ARL17B: variants seen among roughly 807,000 people sequenced by gnomAD.
ARL17B encodes ARF like GTPase 17B, also known as ADP-ribosylation factor-like protein 17.
intron 3 of ARL17B, among the ~76,000 whole-genome samples, chr17:46,319,212 A>ATTTTTTTTTTTTTTTTTT (rs1225879085): frequency 1.2e-3 from 2 of 1,640 alleles, no homozygotes; most frequent in South Asian, 0.028. Flanking sequence ...ATTGTGGTCA[A>ATTTTTTTTTTTTTTTTTT]TTTTTTTTTT....
chr17:46,327,097 CAA>C lies in ARL17B; in HGVS notation c.259+25721_259+25722del, dbSNP rs1174491733. Among the ~76,000 whole-genome samples, 3 of 86,502 alleles carry C rather than the reference CAA, an allele frequency of 3.5e-5. 1 individual carries two copies. The highest frequency in any genetic ancestry group is 9.2e-5 in the African/African-American group (3 of 32,706). The allele number at this position is 86,502 out of a possible 152,430, so 56.7% of individuals were successfully genotyped here. On this transcript the variant is annotated intron_variant, in intron 3 of 4. Coordinates refer to the ARL17B transcript ENST00000434041. Reference sequence around the variant, plus strand: ...CATGACATTGGCATTTTTTAAGAGTCAAAGATAGCTGTCTTGTAAATTGTCCC... The same window carrying C: ...CATGACATTGGCATTTTTTAAGAGTCAGATAGCTGTCTTGTAAATTGTCCC...
chr17:46,276,725 C>T (rs1378721414), intron 4 of ARL17B, among the ~76,000 whole-genome samples: 2 of 152,086 alleles, frequency 1.3e-5, no homozygotes, highest in South Asian at 2.1e-4. Flanking sequence ...AATAGAAATT[C>T]CCTAAAAATG....
At chr17:46,281,197 T>C (rs187256987) in intron 4 of ARL17B, among the ~76,000 whole-genome samples, 1 of 152,270 alleles carries the variant, frequency 6.6e-6, no homozygotes, top group East Asian at 1.9e-4. Context: ...TCCACCTGGC[T>C]TATAATGTTT....
intron 4 of ARL17B, among the ~76,000 whole-genome samples, chr17:46,291,969 C>CAAAAAAAAAAAAAAAAAAAAA (rs59554870): frequency 1.7e-5 from 1 of 58,090 alleles, no homozygotes; most frequent in Non-Finnish European, 3.2e-5. Flanking sequence ...TCTCAAAAAG[C>CAAAAAAAAAAAAAAAAAAAAA]AAAAAAAAAA....
At chr17:46,291,363 A>G (rs1048556747) in intron 4 of ARL17B, among the ~76,000 whole-genome samples, 2 of 152,186 alleles carry the variant, frequency 1.3e-5, no homozygotes, top group African/African-American at 4.8e-5. Context: ...GAACAGACAC[A>G]AAACTGTGAG....
intron 4 of ARL17B, among the ~76,000 whole-genome samples, chr17:46,276,199 T>A (rs2049582840): frequency 6.6e-6 from 1 of 152,228 alleles, no homozygotes; most frequent in Non-Finnish European, 1.5e-5. Flanking sequence ...CCTCACAACT[T>A]TTGTCAGTAA....
chr17:46,279,508 T>A (rs1286832044), intron 4 of ARL17B, among the ~76,000 whole-genome samples: 1 of 149,814 alleles, frequency 6.7e-6, no homozygotes, highest in East Asian at 2.0e-4. Context: ...TTCTTTTTTT[T>A]TTTTTTTTTT....
intron 4 of ARL17B, among the ~76,000 whole-genome samples, chr17:46,286,133 G>A (rs1422346753): frequency 6.6e-6 from 1 of 152,252 alleles, no homozygotes; most frequent in Admixed American, 6.5e-5. Context: ...AAACAGATGG[G>A]ATGATGTTAC....
At chr17:46,357,152 T>G (rs1598222472) in intron 2 of ARL17B, among the ~76,000 whole-genome samples, 1 of 90,684 alleles carries the variant, frequency 1.1e-5, no homozygotes, top group African/African-American at 4.7e-5. Context: ...CAGCCTGGGG[T>G]GACAGAGCGA....
downstream of ARL17B, among the ~76,000 whole-genome samples, chr17:46,333,331 T>C (rs2052127062): frequency 1.9e-5 from 1 of 51,474 alleles, no homozygotes; most frequent in Admixed American, 1.7e-4. Context: ...AGATTAGAGA[T>C]GCTCAGCTTG....
At position 46,325,823 on chromosome 17, in the gene ARL17B, C is replaced by T. The variant is rs1293779881; in HGVS notation, c.260-26158G>A. Reference sequence around the variant, plus strand: ...CAGAAAATGTATAGACATACACACACGGAAAGCAAATGTGGCAAAGTATTA... The same window carrying T: ...CAGAAAATGTATAGACATACACACATGGAAAGCAAATGTGGCAAAGTATTA... On this transcript the variant is annotated intron_variant, in intron 3 of 4. Coordinates refer to the ARL17B transcript ENST00000434041. Among the ~76,000 whole-genome samples, 2 of 75,000 alleles carry T rather than the reference C, an allele frequency of 2.7e-5. 1 individual carries two copies. Among genetic ancestry groups the T allele is most frequent in the Non-Finnish European group, 8.4e-5 (2 of 23,920 alleles). 49.2% of individuals were successfully genotyped at this position (75,000 alleles called of 152,430 possible).
intron 4 of ARL17B, among the ~76,000 whole-genome samples, chr17:46,278,261 T>C (rs1483991646): frequency 6.6e-6 from 1 of 152,220 alleles, no homozygotes; most frequent in Non-Finnish European, 1.5e-5. Context: ...AGCTTTCTTA[T>C]ACTGCTCTTT....
intron 4 of ARL17B, among the ~76,000 whole-genome samples, chr17:46,291,135 ACTT>A (rs1350120007): frequency 2.6e-5 from 4 of 152,230 alleles, no homozygotes; most frequent in Non-Finnish European, 5.9e-5. Context: ...GAGAGACTGA[ACTT>A]CTTCTTTGGT....
rs1308608638 is a variant in ARL17B at position 46,340,215 on chromosome 17, T to C, written c.260-441A>G. On this transcript the variant is annotated intron_variant, in intron 3 of 3. Transcript: ENST00000450673. ...TTCAGGAGTTTTGTTTGTTTTTTTT[T>C]CTTTTTTTTTTTCTTTTAAGGTGGA... Among the ~76,000 whole-genome samples, 2 of 84,212 alleles carry C rather than the reference T, an allele frequency of 2.4e-5. 1 individual carries two copies. The highest frequency in any genetic ancestry group is 6.5e-5 in the African/African-American group (2 of 30,902). 55.2% of individuals were successfully genotyped at this position (84,212 alleles called of 152,430 possible). A position where few individuals can be genotyped will look rare whatever the true frequency, so the allele number is the denominator to read the frequency against.
At chr17:46,341,075 G>A (rs1326362318) in intron 3 of ARL17B, among the ~76,000 whole-genome samples, 5 of 51,522 alleles carry the variant, frequency 9.7e-5, no homozygotes, top group East Asian at 9.5e-4. Context: ...CACACTCGGC[G>A]GTACTGCAGA....
intron 4 of ARL17B, among the ~76,000 whole-genome samples, chr17:46,278,937 A>G (rs1423321211): frequency 4.6e-5 from 7 of 151,914 alleles, no homozygotes; most frequent in Non-Finnish European, 1.0e-4. Context: ...AGCTGGGATT[A>G]CAGGTGCCTG....
intron 4 of ARL17B, among the ~76,000 whole-genome samples, chr17:46,275,806 T>C (rs532922205): frequency 1.3e-5 from 2 of 152,324 alleles, no homozygotes; most frequent in East Asian, 1.9e-4. Flanking sequence ...GGAAAAATTA[T>C]GCTAAAACAA....
chr17:46,291,201 G>A (rs577273948), intron 4 of ARL17B, among the ~76,000 whole-genome samples: 168 of 152,294 alleles, frequency 1.1e-3, no homozygotes, highest in African/African-American at 3.9e-3. Context: ...TTATAACATC[G>A]TGGGACGGAT....
intron 4 of ARL17B, among the ~76,000 whole-genome samples, chr17:46,277,233 A>G (rs1485378800): frequency 2.0e-5 from 3 of 152,234 alleles, no homozygotes; most frequent in Non-Finnish European, 2.9e-5. Context: ...AAGACATCCT[A>G]AGTGGCCCCT....
Sources: gnomAD v4.1 joint callset for allele counts (sites outside exome capture counted in the v4.1 genomes callset) on GRCh38, gnomAD v4.1.1 for gene constraint, MANE v1.5 for transcripts, NCBI Gene and HGNC (gene_info 2026-07-23, HGNC 2026-07-21) for gene names.